Variants in NOS1AP observed in about 807,000 individuals in gnomAD.
The protein encoded by NOS1AP is carboxyl-terminal PDZ ligand of neuronal nitric oxide synthase protein.
Under a neutral mutation model 56.2 loss-of-function variants are expected in NOS1AP, and 21 were observed. That is an observed-to-expected ratio of 0.37 (90% CI 0.26 to 0.54). NOS1AP has a LOEUF of 0.54. Among genes scored for constraint, NOS1AP ranks in the 20% least tolerant of loss-of-function variants. The pLI, the probability that NOS1AP is intolerant of heterozygous loss-of-function variation, is 0.84. For missense variants in NOS1AP, 522 were observed against 657.8 expected (o/e 0.79, Z 2.26); for synonymous variants, 270 against 274.6 (o/e 0.98, Z 0.17).
chr1:162,241,343 C>T (rs969769731), intron 2 of NOS1AP, among the ~76,000 whole-genome samples: 4 of 151,978 alleles, frequency 2.6e-5, no homozygotes, highest in East Asian at 1.9e-4. Flanking sequence ...AAGTTGCATA[C>T]GGAACAGCAT....
intron 3 of NOS1AP, among the ~76,000 whole-genome samples, chr1:162,295,930 G>A (rs1170853794): frequency 1.3e-5 from 2 of 152,024 alleles, no homozygotes; most frequent in Non-Finnish European, 2.9e-5. Context: ...GGGGAGGGGT[G>A]GAGACCCTTT....
chr1:162,134,225 TCA>T (rs773724955), intron 1 of NOS1AP, among the ~76,000 whole-genome samples: 1 of 152,078 alleles, frequency 6.6e-6, no homozygotes, highest in African/African-American at 2.4e-5. Flanking sequence ...GCGCAGTGGC[TCA>T]CACCTGTAAT....
chr1:162,184,931 T>C lies in NOS1AP; in HGVS notation c.177+30455T>C, dbSNP rs527643190. The stretch of plus-strand genomic sequence containing the variant: ...TGACTTAAACAGCACATTTATCTTA[T>C]AGTTGTGTACATCAGAAGTTCACTA... On this transcript the variant is annotated intron_variant, in intron 2 of 9. Coordinates refer to ENST00000361897, the MANE Select transcript of NOS1AP (RefSeq NM_014697.3). Among the ~76,000 whole-genome samples, 6 of 152,374 alleles carry C rather than the reference T, an allele frequency of 3.9e-5. No individual in the cohort carries two copies. The South Asian group carries it at 1.2e-3, about 32-fold the overall frequency.
At chr1:162,351,851 A>C (rs1372856918) in intron 6 of NOS1AP, among the ~76,000 whole-genome samples, 1 of 151,904 alleles carries the variant, frequency 6.6e-6, no homozygotes, top group African/African-American at 2.4e-5. Context: ...CACTCTTGAT[A>C]TCTTTTCAAC....
Position 162,073,452 on chromosome 1 carries a change from C to CATTT in NOS1AP, c.105+3191_105+3194dup, listed in dbSNP as rs562116175. On this transcript the variant is annotated intron_variant, in intron 1 of 9. Coordinates refer to ENST00000361897, the MANE Select transcript of NOS1AP (RefSeq NM_014697.3). The stretch of plus-strand genomic sequence containing the variant: ...ACTCTGGTACAGGAAATTATTCAAA[C>CATTT]ATTTATTTATTTATTTATTTATTTT... 3.5e-3 allele frequency among the ~76,000 whole-genome samples: 529 copies of CATTT among 152,120 alleles called. 3 individuals carry two copies. Among genetic ancestry groups the CATTT allele is most frequent in the African/African-American group, 0.011 (467 of 41,470 alleles).
rs1385623956 is a variant in NOS1AP, at chr1:162,259,686, A to T, written c.178-27658A>T. ...CCACACAGTTACAAAGCCACAAAGCAGTAAAAGAGTATGAAATGTTTTTAA... is the reference window on the plus strand; with the variant it reads ...CCACACAGTTACAAAGCCACAAAGCTGTAAAAGAGTATGAAATGTTTTTAA... On this transcript the variant is annotated intron_variant, in intron 2 of 9. Coordinates refer to ENST00000361897, the MANE Select transcript of NOS1AP (RefSeq NM_014697.3). Among the ~76,000 whole-genome samples, 3 of 152,242 alleles carry T rather than the reference A, an allele frequency of 2.0e-5. No homozygotes were observed. In the East Asian group the frequency reaches 5.8e-4, roughly 29 times the overall value.
intron 1 of NOS1AP, 133 bp downstream of exon 1, chr1:162,070,415 G>T: frequency 4.2e-6 from 3 of 709,946 alleles, no homozygotes; most frequent in South Asian, 1.6e-5. Context: ...TCTTAGGGAG[G>T]GTAACTCTCC....
At chr1:162,075,611 C>T (rs534770154) in intron 1 of NOS1AP, among the ~76,000 whole-genome samples, 4 of 152,348 alleles carry the variant, frequency 2.6e-5, no homozygotes, top group African/African-American at 9.6e-5. Context: ...TCTCCCTTCT[C>T]TCCACCCAGA....
At chr1:162,221,339 C>A (rs769357731) in intron 2 of NOS1AP, among the ~76,000 whole-genome samples, 7 of 152,134 alleles carry the variant, frequency 4.6e-5, no homozygotes, top group Non-Finnish European at 8.8e-5. Flanking sequence ...GATTTTCTTT[C>A]TATCTTTCTT....
At chr1:162,214,947 C>T (rs1652509234) in intron 2 of NOS1AP, among the ~76,000 whole-genome samples, 1 of 152,174 alleles carries the variant, frequency 6.6e-6, no homozygotes, top group Non-Finnish European at 1.5e-5. Context: ...AAAATGTCAC[C>T]TTTCTCCCTG....
At chr1:162,213,718 C>T (rs752144496) in intron 2 of NOS1AP, among the ~76,000 whole-genome samples, 9 of 152,136 alleles carry the variant, frequency 5.9e-5, no homozygotes, top group Non-Finnish European at 1.0e-4. Context: ...TGTGCCTGTG[C>T]CTGCGGATTT....
intron 2 of NOS1AP, among the ~76,000 whole-genome samples, chr1:162,160,917 C>T (rs1190842067): frequency 6.6e-6 from 1 of 152,174 alleles, no homozygotes; most frequent in Non-Finnish European, 1.5e-5. Context: ...GGCAGGGCTG[C>T]GTTCCTTCTG....
intron 8 of NOS1AP, chr1:162,360,884 C>G (rs1269071583): frequency 2.2e-6 from 1 of 456,732 alleles, no homozygotes; most frequent in Admixed American, 2.3e-5. Flanking sequence ...TAACTTCAGC[C>G]TGGCCCTGCC....
At chr1:162,344,242 A>G (rs1657204539) in intron 6 of NOS1AP, among the ~76,000 whole-genome samples, 1 of 152,202 alleles carries the variant, frequency 6.6e-6, no homozygotes, top group Non-Finnish European at 1.5e-5. Flanking sequence ...TCTGACTTCA[A>G]AGAAGTTTTC....
chr1:162,076,531 C>T (rs1691772559), intron 1 of NOS1AP, among the ~76,000 whole-genome samples: 1 of 152,114 alleles, frequency 6.6e-6, no homozygotes, highest in African/African-American at 2.4e-5. Context: ...ATCTGTACTA[C>T]CAGCACCACA....
chr1:162,338,960 G>A (rs1389960597), intron 5 of NOS1AP, among the ~76,000 whole-genome samples: 1 of 152,212 alleles, frequency 6.6e-6, no homozygotes, highest in Non-Finnish European at 1.5e-5. Context: ...GAGAACAGCT[G>A]TTCATTGCAT....
chr1:162,171,856 G>C (rs754837389), intron 2 of NOS1AP, among the ~76,000 whole-genome samples: 1 of 151,908 alleles, frequency 6.6e-6, no homozygotes, highest in South Asian at 2.1e-4. Flanking sequence ...CTCCTTTCAT[G>C]GAATCTCCCT....
chr1:162,231,749 G>T (rs189015072), intron 2 of NOS1AP, among the ~76,000 whole-genome samples: 2,681 of 152,252 alleles, frequency 0.018, 34 homozygotes, highest in Middle Eastern at 0.044. Context: ...GCTGAGAGAT[G>T]ATAAATTGAT....
intron 4 of NOS1AP, among the ~76,000 whole-genome samples, chr1:162,319,789 T>C (rs1656353953): frequency 6.6e-6 from 1 of 152,170 alleles, no homozygotes; most frequent in Non-Finnish European, 1.5e-5. Context: ...CTCTCTGGAC[T>C]TGGGGTGCTG....
Sources: gnomAD v4.1 joint callset for allele counts (sites outside exome capture counted in the v4.1 genomes callset) on GRCh38, gnomAD v4.1.1 for gene constraint, MANE v1.5 for transcripts, NCBI Gene and HGNC (gene_info 2026-07-23, HGNC 2026-07-21) for gene names.